GRIK1: variants seen among roughly 807,000 people sequenced by gnomAD.
GRIK1 encodes glutamate receptor ionotropic, kainate 1.
A neutral mutation model predicts 105.7 loss-of-function variants in GRIK1; 69 were observed. The ratio of observed to expected loss-of-function variants is 0.65; its 90% CI spans 0.54 to 0.80. The LOEUF (loss-of-function observed/expected upper bound fraction) is 0.80. Among genes scored for constraint, GRIK1 ranks in the 30% least tolerant of loss-of-function variants. The pLI, the probability that GRIK1 is intolerant of heterozygous loss-of-function variation, is 0.00. For missense variants in GRIK1, 1,109 were observed against 1,167.3 expected, an observed-to-expected ratio of 0.95 and a Z score of 0.73; for synonymous variants, 438 against 431.3, an observed-to-expected ratio of 1.02 and a Z score of -0.19.
chr21:29,883,769 C>CT (rs1203463006), intron 1 of GRIK1, among the ~76,000 whole-genome samples: 3 of 151,786 alleles, frequency 2.0e-5, no homozygotes, highest in African/African-American at 4.8e-5. Context: ...AGTCCACTTT[C>CT]TTTTTTTTCT....
At chr21:29,831,386 T>C (rs758388128) in intron 1 of GRIK1, among the ~76,000 whole-genome samples, 5 of 152,186 alleles carry the variant, frequency 3.3e-5, no homozygotes, top group Non-Finnish European at 7.3e-5. Flanking sequence ...GGCAGAAATA[T>C]TCTATCTACC....
chr21:29,896,080 T>C (rs1269361053), intron 1 of GRIK1, among the ~76,000 whole-genome samples: 1 of 152,216 alleles, frequency 6.6e-6, no homozygotes, highest in Non-Finnish European at 1.5e-5. Flanking sequence ...TAAACTGATA[T>C]TCTATCCTAT....
intron 13 of GRIK1, among the ~76,000 whole-genome samples, chr21:29,581,128 T>A (rs1292724656): frequency 2.0e-5 from 3 of 152,102 alleles, no homozygotes; most frequent in Non-Finnish European, 4.4e-5. Flanking sequence ...AAGACCAACA[T>A]CTCCATCTAT....
rs1316542635 is a variant in GRIK1, at chr21:29,588,857, A to G, written c.1551T>C (p.Val517=). 3.8e-6 allele frequency: 6 copies of G among 1,589,730 alleles called. No individual in the cohort carries two copies. Residue 517 remains valine (V), a synonymous_variant, in exon 11 of 18, where the codon GTT becomes GTC. Transcript: ENST00000327783. ...TACTTACGTGATCTATGAGTTCTTT[A>G]ACCATCCCGTTCCACTCCCCTTTGT... The part of the protein sequence containing the change: ...QNDKGEWNGM[V]KELIDHRADL...
At chr21:29,710,631 A>ATT (rs1490270770) in intron 1 of GRIK1, among the ~76,000 whole-genome samples, 1 of 14,712 alleles carries the variant, frequency 6.8e-5, no homozygotes, top group Non-Finnish European at 1.7e-3. Flanking sequence ...TATCTATTTC[A>ATT]ATGACTATTT....
Position 29,560,396 on chromosome 21 carries a change from C to CTTTCTTTCTTTCTTTCTTTCTTT in GRIK1, c.2356+1227_2356+1228insAAAGAAAGAAAGAAAGAAAGAAA, listed in dbSNP as rs1568814142. Among the ~76,000 whole-genome samples the CTTTCTTTCTTTCTTTCTTTCTTT allele has an allele frequency of 2.5e-4, 15 of 60,320 alleles. 2 individuals carry two copies. Among genetic ancestry groups the CTTTCTTTCTTTCTTTCTTTCTTT allele is most frequent in the East Asian group, 1.1e-3 (2 of 1,830 alleles). The allele number at this position is 60,320 out of a possible 152,430, so 39.6% of individuals were successfully genotyped here. The stretch of plus-strand genomic sequence containing the variant: ...TCCTTCCTTCCTTCCTTCCTTCCTT[C>CTTTCTTTCTTTCTTTCTTTCTTT]CTTCCTTTCTTTCTTTCTTTCTTTC... On this transcript the variant is annotated intron_variant, in intron 15 of 17. Coordinates refer to ENST00000327783, the MANE Select transcript of GRIK1 (RefSeq NM_001330994.2).
intron 1 of GRIK1, among the ~76,000 whole-genome samples, chr21:29,751,857 A>G (rs993618922): frequency 2.0e-5 from 3 of 152,042 alleles, no homozygotes; most frequent in African/African-American, 7.2e-5. Context: ...TTCCAATTCC[A>G]CTTACGGGGG....
intron 1 of GRIK1, among the ~76,000 whole-genome samples, chr21:29,703,624 T>C (rs1035082218): frequency 8.5e-5 from 13 of 152,362 alleles, no homozygotes; most frequent in African/African-American, 2.9e-4. Flanking sequence ...GCTCAAAACA[T>C]TCTTGGTAAA....
intron 1 of GRIK1, among the ~76,000 whole-genome samples, chr21:29,821,057 T>TAAAAAAA (rs11369503): frequency 7.1e-6 from 1 of 141,496 alleles, no homozygotes; most frequent in Non-Finnish European, 1.5e-5. Context: ...CAACACACAG[T>TAAAAAAA]AAAAAAAAAA....
At chr21:29,627,138 T>C (rs2062150135) in intron 7 of GRIK1, among the ~76,000 whole-genome samples, 1 of 152,250 alleles carries the variant, frequency 6.6e-6, no homozygotes, top group Non-Finnish European at 1.5e-5. Context: ...ATGCTAGCTA[T>C]TATCTTAACT....
At chr21:29,662,399 A>G (rs1473744994) in intron 4 of GRIK1, among the ~76,000 whole-genome samples, 2 of 152,234 alleles carry the variant, frequency 1.3e-5, no homozygotes, top group Non-Finnish European at 2.9e-5. Flanking sequence ...CCTCTCTGCA[A>G]CATCTAGGGA....
intron 1 of GRIK1, among the ~76,000 whole-genome samples, chr21:29,846,875 A>T (rs1198958313): frequency 6.6e-6 from 1 of 151,988 alleles, no homozygotes; most frequent in African/African-American, 2.4e-5. Context: ...TCCAGTTTTC[A>T]TATGTATATG....
intron 1 of GRIK1, among the ~76,000 whole-genome samples, chr21:29,892,585 C>G (rs142009889): frequency 4.1e-4 from 62 of 152,252 alleles, no homozygotes; most frequent in African/African-American, 1.4e-3. Context: ...CTGGCACAGC[C>G]GTACCCACCC....
At chr21:29,801,422 A>G (rs1263719463) in intron 1 of GRIK1, among the ~76,000 whole-genome samples, 4 of 152,118 alleles carry the variant, frequency 2.6e-5, no homozygotes, top group African/African-American at 7.2e-5. Flanking sequence ...TAAATCAAAT[A>G]CCCAAACTGA....
intron 1 of GRIK1, among the ~76,000 whole-genome samples, chr21:29,899,857 C>G (rs555915060): frequency 1.2e-4 from 18 of 152,108 alleles, no homozygotes; most frequent in African/African-American, 4.1e-4. Flanking sequence ...AATTACCTTC[C>G]CAAATGTCTC....
chr21:29,698,530 G>A (rs1429619235), intron 1 of GRIK1, among the ~76,000 whole-genome samples: 2 of 152,156 alleles, frequency 1.3e-5, no homozygotes, highest in Admixed American at 6.5e-5. Context: ...CCTCAAAATC[G>A]GCAGGCCTGG....
intron 1 of GRIK1, among the ~76,000 whole-genome samples, chr21:29,846,512 A>G (rs1490584194): frequency 7.2e-6 from 1 of 139,390 alleles, no homozygotes; most frequent in Non-Finnish European, 1.6e-5. Context: ...AAAGAAAGAA[A>G]GAAAGAAATG....
intron 1 of GRIK1, among the ~76,000 whole-genome samples, chr21:29,858,217 G>A (rs1288048856): frequency 6.6e-6 from 1 of 152,070 alleles, no homozygotes; most frequent in East Asian, 1.9e-4. Context: ...AATTTTTAGA[G>A]AAAATAAAGG....
chr21:29,549,676 A>ATTT (rs111293053), intron 16 of GRIK1, among the ~76,000 whole-genome samples: 1 of 151,870 alleles, frequency 6.6e-6, no homozygotes, highest in African/African-American at 2.4e-5. Flanking sequence ...TGAAAAAAAA[A>ATTT]TTGTTTTCCT....
Sources: gnomAD v4.1 joint callset for allele counts (sites outside exome capture counted in the v4.1 genomes callset) on GRCh38, gnomAD v4.1.1 for gene constraint, MANE v1.5 for transcripts, NCBI Gene and HGNC (gene_info 2026-07-23, HGNC 2026-07-21) for gene names.